The following CLVS1 variants were observed in gnomAD, a reference collection of about 807,000 sequenced individuals.
CLVS1 encodes clavesin-1.
Under a neutral mutation model 33.1 loss-of-function variants are expected in CLVS1, and 10 were observed. The observed-to-expected ratio is 0.30, with a 90% CI of 0.19 to 0.51. The LOEUF is 0.51. Among genes scored for constraint, CLVS1 ranks in the 20% least tolerant of loss-of-function variants. CLVS1 has a pLI of 0.97. For synonymous variants in CLVS1, 163 were observed against 166.1 expected (o/e 0.98, Z 0.14); for missense variants, 343 against 433.4 (o/e 0.79, Z 1.85).
At chr8:61,119,147 G>T (rs1292123391) in intron 1 of CLVS1, among the ~76,000 whole-genome samples, 1 of 152,096 alleles carries the variant, frequency 6.6e-6, no homozygotes, top group Non-Finnish European at 1.5e-5. Context: ...TGTCTCTTTT[G>T]ATCTTTGTTG....
the CLVS1 span, among the ~76,000 whole-genome samples, chr8:61,036,299 G>C: frequency 6.6e-6 from 1 of 152,366 alleles, no homozygotes; most frequent in African/African-American, 2.4e-5. Context: ...AAACTGTGGA[G>C]TGTTAAGGGA....
the CLVS1 span, among the ~76,000 whole-genome samples, chr8:60,998,381 A>G: frequency 1.3e-5 from 2 of 152,118 alleles, no homozygotes; most frequent in East Asian, 1.9e-4. Context: ...CACTGCCACA[A>G]TGTCACACCG....
At chr8:61,083,299 G>T (rs1805058278) in intron 1 of CLVS1, among the ~76,000 whole-genome samples, 1 of 152,174 alleles carries the variant, frequency 6.6e-6, no homozygotes. Flanking sequence ...TAGGCTGGAT[G>T]AGTGTGAGAA....
At chr8:60,968,893 A>G in the CLVS1 span, among the ~76,000 whole-genome samples, 1 of 152,148 alleles carries the variant, frequency 6.6e-6, no homozygotes, top group African/African-American at 2.4e-5. Context: ...TGTTTCAAAA[A>G]AAATAAATAA....
At chr8:61,467,975 A>G (rs1438779269) in intron 5 of CLVS1, among the ~76,000 whole-genome samples, 1 of 152,194 alleles carries the variant, frequency 6.6e-6, no homozygotes, top group Non-Finnish European at 1.5e-5. Flanking sequence ...AAAACATTGC[A>G]TTTGTTAAAT....
rs11779936 is a variant in CLVS1, at chr8:61,315,295, T to C, written c.455+15013T>C. 3.7e-3 allele frequency among the ~76,000 whole-genome samples: 557 copies of C among 152,364 alleles called. 2 individuals carry two copies. The highest frequency in any genetic ancestry group is 6.3e-3 in the Non-Finnish European group (430 of 68,034). ...TTTTGAGCTATTAAAGATAAGGCTT[T>C]GTCTTTGAGCAAGGATGTATTGGGG... On this transcript the variant is annotated intron_variant, in intron 2 of 5. Transcript: ENST00000325897.
chr8:61,353,145 G>A (rs1034488657), intron 2 of CLVS1, among the ~76,000 whole-genome samples: 3 of 151,952 alleles, frequency 2.0e-5, no homozygotes, highest in African/African-American at 7.2e-5. Flanking sequence ...CCCACCCTCA[G>A]CAACTGATAG....
intron 5 of CLVS1, among the ~76,000 whole-genome samples, chr8:61,485,334 AC>A (rs1803836304): frequency 6.6e-6 from 1 of 152,270 alleles, no homozygotes; most frequent in African/African-American, 2.4e-5. Flanking sequence ...GTCAACAGAC[AC>A]ATGAAAAAAT....
At chr8:61,412,321 A>C (rs1815261465) in intron 3 of CLVS1, among the ~76,000 whole-genome samples, 1 of 152,234 alleles carries the variant, frequency 6.6e-6, no homozygotes, top group African/African-American at 2.4e-5. Context: ...CAGGGACAGG[A>C]CCAAATCAAA....
intron 4 of CLVS1, among the ~76,000 whole-genome samples, chr8:61,457,692 A>T (rs1235380186): frequency 6.6e-6 from 1 of 152,188 alleles, no homozygotes; most frequent in Non-Finnish European, 1.5e-5. Flanking sequence ...TTAAAGGAGT[A>T]AGAAAACACC....
intron 2 of CLVS1, among the ~76,000 whole-genome samples, chr8:61,236,374 C>T (rs989417817): frequency 5.3e-5 from 8 of 152,102 alleles, no homozygotes; most frequent in African/African-American, 1.4e-4. Context: ...TCATGGGGTC[C>T]GGAGTGAAAC....
chr8:61,110,272 C>T (rs1805603646), intron 1 of CLVS1, among the ~76,000 whole-genome samples: 1 of 152,178 alleles, frequency 6.6e-6, no homozygotes, highest in African/African-American at 2.4e-5. Context: ...TAGGGAGCTG[C>T]CCTGACAACC....
At chr8:61,160,694 T>A (rs570906798) in intron 2 of CLVS1, among the ~76,000 whole-genome samples, 2 of 152,204 alleles carry the variant, frequency 1.3e-5, no homozygotes, top group Non-Finnish European at 2.9e-5. Context: ...TGGTGGGCAT[T>A]TACTTTTCAG....
intron 3 of CLVS1, among the ~76,000 whole-genome samples, chr8:61,411,870 CACCCACCACA>C (rs1438850076): frequency 6.6e-6 from 1 of 152,200 alleles, no homozygotes; most frequent in Non-Finnish European, 1.5e-5. Flanking sequence ...GCAAATCCAG[CACCCACCACA>C]ACCCACCTTG....
At chr8:61,137,536 C>T (rs917123137) in intron 2 of CLVS1, among the ~76,000 whole-genome samples, 1 of 152,142 alleles carries the variant, frequency 6.6e-6, no homozygotes, top group Non-Finnish European at 1.5e-5. Context: ...ATTTTCCTCT[C>T]CTCTAAGCCA....
intron 3 of CLVS1, among the ~76,000 whole-genome samples, chr8:61,431,362 C>A (rs1010790659): frequency 4.6e-5 from 7 of 152,188 alleles, no homozygotes; most frequent in African/African-American, 1.7e-4. Context: ...CCTTTGTCTC[C>A]CAAGAGGAGG....
At chr8:61,114,523 T>C (rs1441027703) in intron 1 of CLVS1, among the ~76,000 whole-genome samples, 1 of 152,236 alleles carries the variant, frequency 6.6e-6, no homozygotes, top group Non-Finnish European at 1.5e-5. Flanking sequence ...ACAACTACAC[T>C]ATCAGTAGTT....
chr8:61,265,095 C>G (rs4100940), intron 2 of CLVS1, among the ~76,000 whole-genome samples: 104,550 of 152,082 alleles, frequency 0.69, 38,359 homozygotes, highest in East Asian at 0.97. Context: ...CTCCTCATGA[C>G]CTCCAAACAT....
intron 2 of CLVS1, among the ~76,000 whole-genome samples, chr8:61,190,801 A>G (rs1563438307): frequency 6.6e-6 from 1 of 152,226 alleles, no homozygotes; most frequent in Non-Finnish European, 1.5e-5. Flanking sequence ...CTGGACACAT[A>G]CACTCTCCCA....
Sources: gnomAD v4.1 joint callset for allele counts (sites outside exome capture counted in the v4.1 genomes callset) on GRCh38, gnomAD v4.1.1 for gene constraint, MANE v1.5 for transcripts, NCBI Gene and HGNC (gene_info 2026-07-23, HGNC 2026-07-21) for gene names.